The following IAH1 variants were observed in gnomAD, a reference collection of about 807,000 sequenced individuals.
IAH1 encodes the protein isoamyl acetate hydrolyzing esterase 1 (putative).
IAH1 carries 24 observed loss-of-function variants against 26.7 expected under a neutral mutation model. The ratio of observed to expected loss-of-function variants is 0.90; its 90% confidence interval spans 0.65 to 1.26. The LOEUF is 1.26. IAH1 is among the 50% of genes most tolerant of loss of function. The probability of loss-of-function intolerance (pLI) is 0.00; values close to 1 mark genes in which losing one functional copy is unlikely to be tolerated. For synonymous variants in IAH1, 140 were observed against 118.5 expected, an observed-to-expected ratio of 1.18 and a Z score of -1.18; for missense variants, 300 against 299.9, an observed-to-expected ratio of 1.00 and a Z score of 0.00.
the IAH1 span, among the ~76,000 whole-genome samples, chr2:9,507,509 A>G: frequency 6.6e-6 from 1 of 152,198 alleles, no homozygotes; most frequent in Admixed American, 6.5e-5. Context: ...TCAAAAAATC[A>G]TAATAAATAA....
In IAH1 at chr2:9,474,558, G is replaced by A; in HGVS notation, c.-9G>A. 9.6e-7 allele frequency: 1 copy of A among 1,042,440 alleles called. No homozygotes were observed. The allele number at this position is 1,042,440 out of a possible 1,614,324, so 64.6% of individuals were successfully genotyped here. A position where few individuals can be genotyped will look rare whatever the true frequency, so the allele number is the denominator to read the frequency against. On this transcript the variant is annotated 5_prime_UTR_variant, in exon 1 of 6. Transcript: ENST00000497473. This position sits in a 1 kb window ranked among gnomAD's most constrained non-coding sequence, Gnocchi z 4.3. Reference sequence around the variant, plus strand: ...CTGGCGGCCCCGCCCCGCCCCGCCCGGCTGCTCCATGGCGCTGTGCGAGGC... The same window carrying A: ...CTGGCGGCCCCGCCCCGCCCCGCCCAGCTGCTCCATGGCGCTGTGCGAGGC...
At chr2:9,481,528 C>T in intron 4 of IAH1, 81 bp downstream of exon 4, 2 of 1,378,066 alleles carry the variant, frequency 1.5e-6, no homozygotes, top group Non-Finnish European at 2.0e-6. Context: ...GGTTTCCTGC[C>T]TGGGGCTTCT....
chr2:9,492,682 T>G (rs1470502588), downstream of IAH1, among the ~76,000 whole-genome samples: 1 of 152,216 alleles, frequency 6.6e-6, no homozygotes, highest in Admixed American at 6.5e-5. Flanking sequence ...ATTTATATAT[T>G]AAAACACCAA....
Position 9,481,279 on chromosome 2 carries a change from T to A in IAH1, c.284-7T>A. 6.2e-7 allele frequency: 1 copy of A among 1,614,014 alleles called. No homozygotes were observed. The highest frequency in any genetic ancestry group is 8.5e-7 in the Non-Finnish European group (1 of 1,179,902). On this transcript the variant is annotated splice_region_variant and splice_polypyrimidine_tract_variant and intron_variant, in intron 3 of 5. Transcript: ENST00000497473. ...ATCTGGTGAGGACTCATGTTTCTCT[T>A]GAGCAGATGAGAATCCCAAGCAGCA...
downstream of IAH1, among the ~76,000 whole-genome samples, chr2:9,491,751 C>A (rs1349480248): frequency 6.6e-6 from 1 of 152,186 alleles, no homozygotes; most frequent in Non-Finnish European, 1.5e-5. Flanking sequence ...GGGCAAGGAC[C>A]AAGAATCCAG....
chr2:9,494,633 T>C, downstream of IAH1: 1 of 1,613,646 alleles, frequency 6.2e-7, no homozygotes, highest in Non-Finnish European at 8.5e-7. Context: ...ACATAAATAC[T>C]CACATTCATG....
chr2:9,490,150 C>CT (rs1157899324), downstream of IAH1: 1 of 1,557,622 alleles, frequency 6.4e-7, no homozygotes, highest in East Asian at 2.3e-5. Context: ...ATTTTGCACA[C>CT]TTAAGTCAGA....
chr2:9,474,342 C>T (rs770203456), upstream of IAH1, among the ~76,000 whole-genome samples: 2 of 152,246 alleles, frequency 1.3e-5, no homozygotes, highest in Non-Finnish European at 2.9e-5. This position sits in a 1 kb window ranked among gnomAD's most constrained non-coding sequence, Gnocchi z 4.3. Flanking sequence ...CCGGGAACCA[C>T]GCAGCGGGAC....
chr2:9,481,177 A>G (rs1661146033), intron 3 of IAH1, 109 bp from the exon 4 acceptor site: 1 of 1,167,610 alleles, frequency 8.6e-7, no homozygotes, highest in Non-Finnish European at 1.2e-6. Flanking sequence ...GTGTTAAACA[A>G]TCCCCCCAGT....
the IAH1 span, among the ~76,000 whole-genome samples, chr2:9,511,243 G>A: frequency 3.3e-5 from 5 of 152,278 alleles, no homozygotes; most frequent in African/African-American, 1.2e-4. Flanking sequence ...GAGGTCAGGA[G>A]TTCGAGACCA....
rs1661366973 is a variant in IAH1 at position 9,484,551 on chromosome 2, G to T, written c.564+1G>T. ...GTGGACCCTGATGCAGGACAGCCAG[G>T]TACGGTGGCTTGCTCGGTCCTCTCG... On this transcript the variant is annotated splice_donor_variant, in intron 5 of 5. Transcript: ENST00000497473. LOFTEE classifies it high-confidence loss of function. 2 of 1,601,998 alleles carry T rather than the reference G, an allele frequency of 1.2e-6. No homozygotes were observed. The highest frequency in any genetic ancestry group is 4.5e-5 in the East Asian group (2 of 44,804).
At chr2:9,477,606 G>A (rs1428711445) in intron 2 of IAH1, among the ~76,000 whole-genome samples, 4 of 151,290 alleles carry the variant, frequency 2.6e-5, no homozygotes, top group East Asian at 2.0e-4. Context: ...GGAGCACAGC[G>A]TGCCCAGGGT....
intron 4 of IAH1, among the ~76,000 whole-genome samples, chr2:9,481,880 T>C (rs1035036176): frequency 2.0e-5 from 3 of 152,162 alleles, no homozygotes; most frequent in African/African-American, 7.2e-5. Context: ...CAGCACTCCA[T>C]ATACTTGGGT....
downstream of IAH1, chr2:9,493,720 A>C (rs1488455814): frequency 1.3e-6 from 2 of 1,593,248 alleles, no homozygotes; most frequent in East Asian, 2.2e-5. Flanking sequence ...CTCAGCTCTC[A>C]GTAAGTAATC....
At chr2:9,474,528 C>T (rs1207102223), upstream of IAH1, 2 of 1,354,584 alleles carry the variant, frequency 1.5e-6, no homozygotes, top group East Asian at 3.1e-5. The surrounding 1 kb of genome is among the most constrained non-coding windows in gnomAD (Gnocchi z 4.3). Context: ...AGGCGCCTCT[C>T]GTGGCTGGCG....
Position 9,474,828 on chromosome 2 carries a change from C to T in IAH1, c.81+181C>T, listed in dbSNP as rs1412480238. ...CCAGTGGCTGCGCCTTCCGGGCCCG[C>T]GGCGTCCCGGAGGTCACGACGGCGT... On this transcript the variant is annotated intron_variant, in intron 1 of 5. Coordinates refer to ENST00000497473, the MANE Select transcript of IAH1 (RefSeq NM_001039613.3). The surrounding 1 kb of genome is among the most constrained non-coding windows in gnomAD (Gnocchi z 4.3). 5 of 532,070 alleles carry T rather than the reference C, an allele frequency of 9.4e-6. No individual in the cohort carries two copies. Among genetic ancestry groups the T allele is most frequent in the Non-Finnish European group, 1.2e-5 (4 of 340,548 alleles). 33.0% of individuals were successfully genotyped at this position (532,070 alleles called of 1,614,324 possible).
chr2:9,493,476 G>A (rs1488755826), downstream of IAH1, among the ~76,000 whole-genome samples: 1 of 152,152 alleles, frequency 6.6e-6, no homozygotes, highest in Non-Finnish European at 1.5e-5. Flanking sequence ...CTATGCTTAT[G>A]CTAATCACAT....
At chr2:9,475,656 A>G (rs1352012807) in intron 1 of IAH1, 3 of 341,902 alleles carry the variant, frequency 8.8e-6, no homozygotes, top group East Asian at 6.9e-5. Flanking sequence ...GTGCGCCACC[A>G]CACCGGGCTA....
rs1661914577 is a variant in IAH1 at position 9,489,559 on chromosome 2, A to G, written c.*1230A>G. 6.6e-6 allele frequency: 1 copy of G among 152,458 alleles called. No individual in the cohort carries two copies. 9.4% of individuals were successfully genotyped at this position (152,458 alleles called of 1,614,324 possible). On this transcript the variant is annotated 3_prime_UTR_variant, in exon 6 of 6. Coordinates refer to ENST00000497473, the MANE Select transcript of IAH1 (RefSeq NM_001039613.3). ...GTAAGGTAGGTGGTTAGGTTTCTAG[A>G]GAGCATTAGTCTTAGAATTATGAAG...
Sources: gnomAD v4.1 joint callset for allele counts (sites outside exome capture counted in the v4.1 genomes callset) on GRCh38, gnomAD v4.1.1 for gene constraint, Gnocchi (gnomAD v3.1) non-coding constraint, MANE v1.5 for transcripts, NCBI Gene and HGNC (gene_info 2026-07-23, HGNC 2026-07-21) for gene names.